Variants in ADAM12 observed in about 807,000 individuals in gnomAD.
The protein encoded by ADAM12 is ADAM metallopeptidase domain 12, also known as disintegrin and metalloproteinase domain-containing protein 12.
ADAM12 carries 70 observed loss-of-function variants against 106.4 expected under a neutral mutation model. The ratio of observed to expected loss-of-function variants is 0.66; its 90% CI spans 0.54 to 0.80. The LOEUF (loss-of-function observed/expected upper bound fraction) is 0.80. Among genes scored for constraint, ADAM12 ranks in the 30% least tolerant of loss-of-function variants. The pLI is 0.00. For missense variants in ADAM12, 1,010 were observed against 1,171.9 expected (o/e 0.86, Z 2.02); for synonymous variants, 420 against 433.5 (o/e 0.97, Z 0.39).
intron 1 of ADAM12, among the ~76,000 whole-genome samples, chr10:126,337,868 T>TTGTA (rs1204639797): frequency 6.6e-6 from 1 of 152,196 alleles, no homozygotes; most frequent in African/African-American, 2.4e-5. Context: ...TTCTTTATGT[T>TTGTA]TGTATGTATT....
At chr10:126,351,486 G>C (rs1302350115) in intron 1 of ADAM12, among the ~76,000 whole-genome samples, 1 of 152,168 alleles carries the variant, frequency 6.6e-6, no homozygotes, top group East Asian at 1.9e-4. Flanking sequence ...GCCTGACACA[G>C]AGCCCATGCA....
intron 4 of ADAM12, among the ~76,000 whole-genome samples, chr10:126,138,237 A>T (rs1239265705): frequency 6.6e-6 from 1 of 152,050 alleles, no homozygotes; most frequent in Non-Finnish European, 1.5e-5. Flanking sequence ...CTTATTTGTA[A>T]ATTGGATTTT....
At chr10:126,297,458 G>A (rs1960432623) in intron 2 of ADAM12, among the ~76,000 whole-genome samples, 1 of 152,210 alleles carries the variant, frequency 6.6e-6, no homozygotes, top group Non-Finnish European at 1.5e-5. Flanking sequence ...CTGAAGCCAG[G>A]AGGATCACTT....
intron 3 of ADAM12, among the ~76,000 whole-genome samples, chr10:126,266,917 A>G (rs1565179054): frequency 1.3e-5 from 2 of 152,104 alleles, no homozygotes; most frequent in East Asian, 1.9e-4. Flanking sequence ...TGATCCAATC[A>G]CCTCCCACCA....
intron 1 of ADAM12, among the ~76,000 whole-genome samples, chr10:126,381,709 C>T (rs1278685648): frequency 2.0e-5 from 3 of 151,856 alleles, no homozygotes; most frequent in Non-Finnish European, 4.4e-5. Flanking sequence ...AACATGTTGA[C>T]CAGGCTGGAC....
At chr10:126,273,165 T>C (rs930176381) in intron 3 of ADAM12, 2 of 154,004 alleles carry the variant, frequency 1.3e-5, no homozygotes, top group Non-Finnish European at 1.5e-5. Context: ...AGGAGCTCAA[T>C]GCTTTAATGA....
intron 9 of ADAM12, among the ~76,000 whole-genome samples, chr10:126,099,841 G>A (rs1269012132): frequency 6.6e-6 from 1 of 152,218 alleles, no homozygotes; most frequent in African/African-American, 2.4e-5. Flanking sequence ...TCAAAGGAAA[G>A]TCTCTGTCCC....
intron 11 of ADAM12, among the ~76,000 whole-genome samples, chr10:126,072,030 T>A (rs1297914912): frequency 2.0e-5 from 3 of 152,122 alleles, no homozygotes; most frequent in African/African-American, 7.2e-5. Flanking sequence ...TACAAACACA[T>A]AACAATGTCC....
At chr10:126,313,661 G>C (rs1254790732) in intron 2 of ADAM12, among the ~76,000 whole-genome samples, 1 of 152,102 alleles carries the variant, frequency 6.6e-6, no homozygotes, top group Admixed American at 6.5e-5. Context: ...CCGTCGATCT[G>C]TCTGTCTGTC....
At chr10:126,203,939 CGTGTGT>C (rs56035821) in intron 3 of ADAM12, among the ~76,000 whole-genome samples, 86 of 150,262 alleles carry the variant, frequency 5.7e-4, no homozygotes, top group African/African-American at 1.9e-3. Flanking sequence ...CGCGCGCGCG[CGTGTGT>C]GTGTGTGTGT....
intron 1 of ADAM12, among the ~76,000 whole-genome samples, chr10:126,365,261 T>G (rs1332636501): frequency 6.6e-6 from 1 of 152,188 alleles, no homozygotes; most frequent in Non-Finnish European, 1.5e-5. Flanking sequence ...CTTCTGAACC[T>G]AAGAGGGGAA....
intron 3 of ADAM12, among the ~76,000 whole-genome samples, chr10:126,161,938 C>T (rs1674924): frequency 0.59 from 89,179 of 152,034 alleles, 26,508 homozygotes; most frequent in East Asian, 0.75. Context: ...TTAGATTAGG[C>T]GATCTAACAA....
chr10:126,257,795 A>C (rs764885444), intron 3 of ADAM12, among the ~76,000 whole-genome samples: 3 of 152,252 alleles, frequency 2.0e-5, no homozygotes, highest in Non-Finnish European at 4.4e-5. Flanking sequence ...TTATAAAACC[A>C]GTCAGCCTTG....
intron 1 of ADAM12, among the ~76,000 whole-genome samples, chr10:126,358,658 G>C (rs1488077743): frequency 6.6e-6 from 1 of 152,124 alleles, no homozygotes; most frequent in African/African-American, 2.4e-5. Context: ...TTTTGCAAGA[G>C]AAAGAGATAA....
In ADAM12 at chr10:126,064,480, A is replaced by G. The variant is rs1337045556; in HGVS notation, c.1609+326T>C. ...CGGGGCACGCAGTAGGTGCTCCTGC[A>G]GCTCCCGTATCTCCCGGGGCACACA... On this transcript the variant is annotated intron_variant, in intron 14 of 22. Transcript: ENST00000448723. This position sits in a 1 kb window ranked among gnomAD's most constrained non-coding sequence, Gnocchi z 4.4. Among the ~76,000 whole-genome samples, 1 of 152,138 alleles carries G rather than the reference A, an allele frequency of 6.6e-6. No homozygotes were observed. Among genetic ancestry groups the G allele is most frequent in the East Asian group, 1.9e-4 (1 of 5,190 alleles).
chr10:126,135,775 T>C (rs1007933956), intron 4 of ADAM12, 115 bp from the exon 5 acceptor site: 16 of 899,272 alleles, frequency 1.8e-5, no homozygotes, highest in South Asian at 3.1e-5. Flanking sequence ...TAAAATATTG[T>C]TCTACAGTCT....
At chr10:126,146,551 C>T (rs1026747583) in intron 4 of ADAM12, among the ~76,000 whole-genome samples, 1 of 152,132 alleles carries the variant, frequency 6.6e-6, no homozygotes, top group African/African-American at 2.4e-5. Context: ...CCAGCTATCA[C>T]CAGACCCCCA....
chr10:126,237,009 A>G (rs1196288471), intron 3 of ADAM12, among the ~76,000 whole-genome samples: 2 of 152,118 alleles, frequency 1.3e-5, no homozygotes, highest in African/African-American at 2.4e-5. Flanking sequence ...GCCCATTCTA[A>G]ACAACATCAG....
rs1953654837 is a variant in ADAM12, at chr10:126,016,017, A to G, written c.*1262T>C. The stretch of plus-strand genomic sequence containing the variant: ...GTTGATTTCCTTATCACATTCTGTG[A>G]TGCTCAACAGGTAGGTTGCAAGTGT... On this transcript the variant is annotated 3_prime_UTR_variant, in exon 23 of 23. Coordinates refer to ENST00000448723, the MANE Select transcript of ADAM12 (RefSeq NM_001288973.2). 6.6e-6 allele frequency: 1 copy of G among 152,186 alleles called. No homozygotes were observed. Among genetic ancestry groups the G allele is most frequent in the African/African-American group, 2.4e-5 (1 of 41,450 alleles). 9.4% of individuals were successfully genotyped at this position (152,186 alleles called of 1,614,324 possible).
Sources: allele counts gnomAD v4.1 joint callset (sites outside exome capture counted in the v4.1 genomes callset), GRCh38; gene constraint gnomAD v4.1.1; non-coding constraint Gnocchi (gnomAD v3.1); transcripts MANE v1.5; gene names NCBI Gene and HGNC (gene_info 2026-07-23, HGNC 2026-07-21).